Variants in MRPS31 observed in about 807,000 individuals in gnomAD.
The protein encoded by MRPS31 is small ribosomal subunit protein mS31.
In MRPS31, 32 loss-of-function variants were observed where a neutral mutation model predicts 43.1. The observed-to-expected ratio is 0.74, with a 90% CI of 0.56 to 1.00. The LOEUF (loss-of-function observed/expected upper bound fraction) is 1.00, where lower values mean the gene tolerates loss of function less well. MRPS31 is among the 50% of genes least tolerant of loss of function. The probability of loss-of-function intolerance (pLI) is 0.00; values close to 1 mark genes in which losing one functional copy is unlikely to be tolerated. For missense variants in MRPS31, 437 were observed against 466.7 expected (o/e 0.94, Z 0.59); for synonymous variants, 165 against 161.6 (o/e 1.02, Z -0.16).
rs1879609519 is a variant in MRPS31, at chr13:40,729,561, A to C, written c.999T>G (p.Phe333Leu). Reference protein sequence around the residue: ...DDGSEFHEHIFLEKHLESFPK... With the variant: ...DDGSEFHEHILLEKHLESFPK... ...GAAAGCTCTCCAGGTGTTTCTCCAG[A>C]AATATATGTTCATGAAATTCTGAAC... is the stretch of plus-strand genomic sequence containing the variant. The change falls in exon 7 of 7, where the codon TTT becomes TTG. Residue 333 changes from phenylalanine (F) to leucine (L), a missense_variant. Coordinates refer to ENST00000323563, the MANE Select transcript of MRPS31 (RefSeq NM_005830.4). 5.0e-6 allele frequency: 8 copies of C among 1,613,870 alleles called. No individual in the cohort carries two copies. The Admixed American group carries it at 1.2e-4, about 24-fold the overall frequency.
Position 40,736,982 on chromosome 13 carries a change from CT to C in MRPS31, c.959-7382del, listed in dbSNP as rs527628362. 2.0e-3 allele frequency among the ~76,000 whole-genome samples: 303 copies of C among 151,328 alleles called. 4 individuals carry two copies. In the East Asian group the frequency reaches 0.048, roughly 24 times the overall value. On this transcript the variant is annotated intron_variant, in intron 6 of 6. Coordinates refer to ENST00000323563, the MANE Select transcript of MRPS31 (RefSeq NM_005830.4). ...AAATGCTCCAATTAAAAGACACAGA[CT>C]GGCAAATTGGATAAAGAGTCAAGAC... is the stretch of plus-strand genomic sequence containing the variant.
intron 2 of MRPS31, among the ~76,000 whole-genome samples, chr13:40,765,417 T>C (rs974791805): frequency 6.6e-6 from 1 of 152,262 alleles, no homozygotes; most frequent in Non-Finnish European, 1.5e-5. Context: ...TTACCATTTC[T>C]GTAATCGTTA....
At chr13:40,729,650 C>T in intron 6 of MRPS31, 49 bp from the exon 7 acceptor site, 1 of 1,176,186 alleles carries the variant, frequency 8.5e-7, no homozygotes, top group African/African-American at 1.6e-5. Context: ...AATACAAAAC[C>T]TACATCATAA....
chr13:40,733,966 A>G (rs1395507229), intron 6 of MRPS31, among the ~76,000 whole-genome samples: 1 of 150,760 alleles, frequency 6.6e-6, no homozygotes. Flanking sequence ...ACTCAAAAAA[A>G]AAAAAAAAAA....
intron 6 of MRPS31, among the ~76,000 whole-genome samples, chr13:40,734,566 G>A (rs1367484015): frequency 6.6e-6 from 1 of 152,160 alleles, no homozygotes; most frequent in Non-Finnish European, 1.5e-5. Context: ...CTTTCAGTGG[G>A]AACAGGAAAG....
intron 6 of MRPS31, among the ~76,000 whole-genome samples, chr13:40,737,059 T>C (rs1195692215): frequency 1.2e-3 from 183 of 152,004 alleles, no homozygotes; most frequent in African/African-American, 4.3e-3. Flanking sequence ...GACACACACA[T>C]AGGCTCAAAA....
At chr13:40,731,498 C>T (rs181241663) in intron 6 of MRPS31, among the ~76,000 whole-genome samples, 1 of 151,060 alleles carries the variant, frequency 6.6e-6, no homozygotes, top group Admixed American at 6.6e-5. Flanking sequence ...AGGAGAACTG[C>T]TTGAACCTGG....
chr13:40,768,066 A>C (rs1405764558), intron 1 of MRPS31, among the ~76,000 whole-genome samples: 1 of 152,206 alleles, frequency 6.6e-6, no homozygotes, highest in Non-Finnish European at 1.5e-5. Flanking sequence ...TCTATATTAG[A>C]CTCATGCAAA....
At chr13:40,738,536 T>G (rs906818267) in intron 6 of MRPS31, among the ~76,000 whole-genome samples, 1 of 151,902 alleles carries the variant, frequency 6.6e-6, no homozygotes, top group Admixed American at 6.6e-5. Flanking sequence ...GCAAAAATCC[T>G]CAATAAAATA....
chr13:40,740,174 C>T (rs1417530337), intron 6 of MRPS31, among the ~76,000 whole-genome samples: 4 of 143,868 alleles, frequency 2.8e-5, no homozygotes, highest in East Asian at 4.2e-4. Flanking sequence ...AGCCAAAAAA[C>T]ACATGAAAAA....
chr13:40,753,833 C>T (rs573784343), intron 5 of MRPS31, among the ~76,000 whole-genome samples, 186 bp downstream of exon 5: 13 of 152,182 alleles, frequency 8.5e-5, no homozygotes, highest in Admixed American at 3.3e-4. Context: ...GGTCTCTTGA[C>T]GCCTTCCCAG....
intron 2 of MRPS31, 122 bp from the exon 3 acceptor site, chr13:40,759,228 G>A: frequency 1.5e-6 from 1 of 648,208 alleles, no homozygotes; most frequent in South Asian, 2.9e-5. Context: ...ACTTGAGTCA[G>A]GAGTTCGAGA....
chr13:40,745,069 G>A (rs577732078), intron 6 of MRPS31, among the ~76,000 whole-genome samples: 5 of 151,792 alleles, frequency 3.3e-5, no homozygotes, highest in African/African-American at 1.2e-4. Flanking sequence ...TTACAGGCAT[G>A]CACCACCAAG....
At chr13:40,760,971 A>C (rs1294198855) in intron 2 of MRPS31, among the ~76,000 whole-genome samples, 1 of 152,148 alleles carries the variant, frequency 6.6e-6, no homozygotes, top group Non-Finnish European at 1.5e-5. Context: ...GAATAGAAGA[A>C]AAAGAGAAGA....
chr13:40,766,813 G>T lies in MRPS31; in HGVS notation c.373C>A (p.Pro125Thr), dbSNP rs1315848332. The T allele has an allele frequency of 2.5e-6, 4 of 1,613,926 alleles. No individual in the cohort carries two copies. In the African/African-American group the frequency reaches 5.3e-5, roughly 22 times the overall value. ...AGTGTAGCTTCCAAACTTTTAAGTGGTCTTCTTTTGGGGGGCTTTGTTGTT... is the reference window on the plus strand; with the variant it reads ...AGTGTAGCTTCCAAACTTTTAAGTGTTCTTCTTTTGGGGGGCTTTGTTGTT... Reference protein sequence around the residue: ...VRTTKPPKRRPLKSLEATLGR... With the variant: ...VRTTKPPKRRTLKSLEATLGR... Residue 125 changes from proline (P) to threonine (T), a missense_variant, in exon 2 of 7, where the codon CCA becomes ACA. By Grantham distance (38) the Pro-to-Thr change is conservative. Coordinates refer to ENST00000323563, the MANE Select transcript of MRPS31 (RefSeq NM_005830.4).
intron 6 of MRPS31, among the ~76,000 whole-genome samples, chr13:40,747,018 C>T (rs573089986): frequency 6.6e-6 from 1 of 152,136 alleles, no homozygotes; most frequent in African/African-American, 2.4e-5. Flanking sequence ...AACCACTATG[C>T]TTCACCGACT....
intron 6 of MRPS31, among the ~76,000 whole-genome samples, chr13:40,734,024 G>A (rs570744869): frequency 1.3e-5 from 2 of 151,622 alleles, no homozygotes; most frequent in South Asian, 4.2e-4. Context: ...AGCTATTAGG[G>A]AGGCTGAGGC....
chr13:40,729,874 C>T (rs778922075), intron 6 of MRPS31, among the ~76,000 whole-genome samples: 2 of 151,824 alleles, frequency 1.3e-5, no homozygotes, highest in Non-Finnish European at 2.9e-5. Context: ...GGACTACAGG[C>T]ATGTACCACC....
chr13:40,763,570 G>A (rs1187663895), intron 2 of MRPS31, among the ~76,000 whole-genome samples: 1 of 152,128 alleles, frequency 6.6e-6, no homozygotes, highest in Non-Finnish European at 1.5e-5. Context: ...TAGTATAGCT[G>A]AAATTCTACA....
Sources: allele counts gnomAD v4.1 joint callset (sites outside exome capture counted in the v4.1 genomes callset), GRCh38; gene constraint gnomAD v4.1.1; transcripts MANE v1.5; gene names NCBI Gene and HGNC (gene_info 2026-07-23, HGNC 2026-07-21).